CSMD1: variants seen among roughly 807,000 people sequenced by gnomAD.
CSMD1 encodes the protein CUB and Sushi multiple domains 1, also known as CUB and sushi domain-containing protein 1.
CSMD1 carries 213 observed loss-of-function variants against 417.5 expected under a neutral mutation model. That is an observed-to-expected ratio of 0.51 (90% CI 0.46 to 0.57). CSMD1 has a LOEUF of 0.57. Among genes scored for constraint, CSMD1 ranks in the 20% least tolerant of loss-of-function variants. The pLI, the probability that CSMD1 is intolerant of heterozygous loss-of-function variation, is 0.00. For missense variants in CSMD1, 6,923 were observed against 4,529.7 expected (o/e 1.53, Z -15.17); for synonymous variants, 2,862 against 1,736.8 (o/e 1.65, Z -16.11).
chr8:3,140,347 CTG>C (rs1204883659), intron 41 of CSMD1, among the ~76,000 whole-genome samples: 8 of 83,514 alleles, frequency 9.6e-5, no homozygotes, highest in Non-Finnish European at 1.9e-4. Context: ...CTCTCTCTCT[CTG>C]TCTCTCTCTC....
rs1439290431 is a variant in CSMD1, at chr8:4,689,264, G to C, written c.86-51706C>G. On this transcript the variant is annotated intron_variant, in intron 1 of 69. Coordinates refer to ENST00000635120, the MANE Select transcript of CSMD1 (RefSeq NM_033225.6). Reference sequence around the variant, plus strand: ...CCAAGCGTAACAGTATGGAAACAAAGTTCACCAGCTCCCTAATTTTGGATA... The same window carrying C: ...CCAAGCGTAACAGTATGGAAACAAACTTCACCAGCTCCCTAATTTTGGATA... Among the ~76,000 whole-genome samples, 9 of 152,260 alleles carry C rather than the reference G, an allele frequency of 5.9e-5. No homozygotes were observed. The East Asian group carries it at 1.5e-3, about 26-fold the overall frequency.
At chr8:4,165,437 T>C (rs1326238714) in intron 3 of CSMD1, among the ~76,000 whole-genome samples, 4 of 152,254 alleles carry the variant, frequency 2.6e-5, no homozygotes, top group African/African-American at 7.2e-5. Context: ...GGTGGTGTCA[T>C]GCTATGTCGC....
intron 49 of CSMD1, among the ~76,000 whole-genome samples, chr8:3,054,275 C>G (rs771520855): frequency 6.6e-6 from 1 of 152,164 alleles, no homozygotes; most frequent in Non-Finnish European, 1.5e-5. Context: ...AAATTTCAAG[C>G]TCTAAAATGT....
chr8:4,149,133 T>C (rs1796436992), intron 3 of CSMD1, among the ~76,000 whole-genome samples: 1 of 152,052 alleles, frequency 6.6e-6, no homozygotes, highest in Admixed American at 6.6e-5. Flanking sequence ...CCAGCTAATT[T>C]TTCTATTTTT....
At chr8:4,159,231 A>G (rs1247000542) in intron 3 of CSMD1, among the ~76,000 whole-genome samples, 1 of 152,158 alleles carries the variant, frequency 6.6e-6, no homozygotes, top group Non-Finnish European at 1.5e-5. Flanking sequence ...TTCTTTATTG[A>G]TAGATAACCG....
At chr8:4,043,765 T>A (rs1178592428) in intron 3 of CSMD1, among the ~76,000 whole-genome samples, 1 of 152,324 alleles carries the variant, frequency 6.6e-6, no homozygotes, top group East Asian at 1.9e-4. Flanking sequence ...CTGAGCTCTT[T>A]CAAATGCTGG....
intron 25 of CSMD1, 86 bp from the exon 26 acceptor site, chr8:3,284,432 C>T: frequency 1.1e-5 from 11 of 987,450 alleles, no homozygotes; most frequent in Non-Finnish European, 1.6e-5. Context: ...GCTCATTTCG[C>T]TTTCACACAA....
At chr8:4,252,856 G>T (rs1294548053) in intron 3 of CSMD1, among the ~76,000 whole-genome samples, 1 of 152,128 alleles carries the variant, frequency 6.6e-6, no homozygotes, top group African/African-American at 2.4e-5. Context: ...AGCCTTCTTG[G>T]GACCATGAGT....
intron 8 of CSMD1, among the ~76,000 whole-genome samples, chr8:3,600,350 G>C (rs571464287): frequency 1.3e-5 from 2 of 152,132 alleles, no homozygotes; most frequent in African/African-American, 4.8e-5. Context: ...ATTACCTTTA[G>C]ATCCTAGTTA....
intron 5 of CSMD1, among the ~76,000 whole-genome samples, chr8:3,801,388 T>C (rs1391705118): frequency 6.6e-6 from 1 of 152,048 alleles, no homozygotes; most frequent in Non-Finnish European, 1.5e-5. Flanking sequence ...ATTTAAGAAA[T>C]TAAATTTAAA....
intron 5 of CSMD1, among the ~76,000 whole-genome samples, chr8:3,920,546 G>C (rs1380884164): frequency 6.6e-6 from 1 of 152,026 alleles, no homozygotes; most frequent in East Asian, 1.9e-4. Flanking sequence ...TAGGCAACTT[G>C]TCTTGTTCTT....
chr8:4,577,082 A>G (rs1799172531), intron 2 of CSMD1, among the ~76,000 whole-genome samples: 1 of 152,172 alleles, frequency 6.6e-6, no homozygotes, highest in Admixed American at 6.6e-5. Flanking sequence ...TTATATGATA[A>G]TTTGTATATA....
intron 4 of CSMD1, among the ~76,000 whole-genome samples, chr8:4,017,971 A>T (rs1053840362): frequency 1.3e-5 from 2 of 152,194 alleles, no homozygotes; most frequent in African/African-American, 4.8e-5. Flanking sequence ...GCATGCATTT[A>T]TACATGTTGC....
chr8:3,162,452 A>G (rs1056720702), intron 37 of CSMD1, among the ~76,000 whole-genome samples, 175 bp from the exon 38 acceptor site: 3 of 152,208 alleles, frequency 2.0e-5, no homozygotes, highest in Non-Finnish European at 2.9e-5. Context: ...CAGAGCTATG[A>G]GTTAATTGTT....
chr8:4,250,933 T>C (rs1427012913), intron 3 of CSMD1, among the ~76,000 whole-genome samples: 1 of 152,174 alleles, frequency 6.6e-6, no homozygotes, highest in Non-Finnish European at 1.5e-5. Flanking sequence ...GCTGAGCTCT[T>C]TTCTTCAGAT....
intron 3 of CSMD1, among the ~76,000 whole-genome samples, chr8:4,155,339 C>T (rs890835844): frequency 6.6e-6 from 1 of 152,164 alleles, no homozygotes; most frequent in Non-Finnish European, 1.5e-5. Flanking sequence ...ACCTGCATGA[C>T]TCCCGCAGGG....
chr8:3,545,696 C>A (rs1450832349), intron 10 of CSMD1, among the ~76,000 whole-genome samples: 2 of 152,172 alleles, frequency 1.3e-5, no homozygotes, highest in Admixed American at 1.3e-4. Context: ...GGACACTTAA[C>A]TGCGAATCAC....
At chr8:4,342,436 A>G (rs1367533775) in intron 3 of CSMD1, among the ~76,000 whole-genome samples, 1 of 151,312 alleles carries the variant, frequency 6.6e-6, no homozygotes, top group Non-Finnish European at 1.5e-5. Context: ...GTTGAAAACT[A>G]TTCTGGCTAT....
At chr8:3,684,105 T>A (rs1160108684) in intron 7 of CSMD1, among the ~76,000 whole-genome samples, 4 of 145,588 alleles carry the variant, frequency 2.7e-5, no homozygotes, top group African/African-American at 1.0e-4. Context: ...ATAGATATTA[T>A]ATATTATATA....
Sources: allele counts gnomAD v4.1 joint callset (sites outside exome capture counted in the v4.1 genomes callset), GRCh38; gene constraint gnomAD v4.1.1; transcripts MANE v1.5; gene names NCBI Gene and HGNC (gene_info 2026-07-23, HGNC 2026-07-21).